RASA4: variants seen among roughly 807,000 people sequenced by gnomAD.
The protein encoded by RASA4 is RAS p21 protein activator 4.
RASA4 carries 5 observed loss-of-function variants against 24.0 expected under a neutral mutation model. The ratio of observed to expected loss-of-function variants is 0.21; its 90% CI spans 0.11 to 0.44. The LOEUF (loss-of-function observed/expected upper bound fraction) is 0.44. Ranked by LOEUF, RASA4 falls within the 20% of genes least tolerant of loss-of-function variation. The probability of loss-of-function intolerance (pLI) is 0.99; values close to 1 mark genes in which losing one functional copy is unlikely to be tolerated. For synonymous variants in RASA4, 9 were observed against 132.7 expected, an observed-to-expected ratio of 0.07 and a Z score of 6.41; for missense variants, 38 against 293.0, an observed-to-expected ratio of 0.13 and a Z score of 6.35.
At chr7:102,597,810 G>A (rs1790290545) in intron 8 of RASA4, among the ~76,000 whole-genome samples, 2 of 78,200 alleles carry the variant, frequency 2.6e-5, no homozygotes, top group Admixed American at 3.0e-4. Flanking sequence ...CGTCTCCTGG[G>A]TTCCAGCAAT....
chr7:102,616,495 AT>A, intron 1 of RASA4, 129 bp downstream of exon 1: 1 of 1,191,372 alleles, frequency 8.4e-7, no homozygotes, highest in Non-Finnish European at 1.1e-6. Context: ...TTCCCCGCCG[AT>A]CCCCCACCAC....
chr7:102,598,360 A>AATATAT (rs561434146), intron 8 of RASA4, among the ~76,000 whole-genome samples: 57 of 126,328 alleles, frequency 4.5e-4, no homozygotes, highest in Non-Finnish European at 7.3e-4. Context: ...AAAAAAAAAA[A>AATATAT]ATATATATAT....
chr7:102,603,608 C>A (rs1293340544), intron 5 of RASA4, among the ~76,000 whole-genome samples: 1 of 152,228 alleles, frequency 6.6e-6, no homozygotes, highest in African/African-American at 2.4e-5. Context: ...AACACCAAAG[C>A]CCACTCATCT....
At chr7:102,602,630 T>TG (rs1790399858) in intron 5 of RASA4, among the ~76,000 whole-genome samples, 1 of 79,606 alleles carries the variant, frequency 1.3e-5, no homozygotes, top group Non-Finnish European at 2.4e-5. Context: ...GTAGAGGCCA[T>TG]GGGTCCTTCC....
At chr7:102,596,304 T>G (rs1296770295) in intron 8 of RASA4, among the ~76,000 whole-genome samples, 175 bp from the exon 9 acceptor site, 2 of 146,516 alleles carry the variant, frequency 1.4e-5, no homozygotes, top group African/African-American at 4.9e-5. Flanking sequence ...GCTATTTATT[T>G]TCTGTTTTTG....
rs1790079421 is a variant in RASA4 at position 102,593,025 on chromosome 7, GA to G, written c.1628del (p.Ile543ThrfsTer19). ...RQGVAQLKDF[I>X]TKLVDIEEKD... ...TCTCCTCGATGTCCACGAGCTTGGT[GA>G]TGAAGTCCTTCAGCTGCGCCACGCC... On this transcript the variant is annotated frameshift_variant, in exon 15 of 21. Coordinates refer to ENST00000262940, the MANE Select transcript of RASA4 (RefSeq NM_006989.6). LOFTEE classifies it high-confidence loss of function. The G allele has an allele frequency of 1.4e-6, 1 of 728,038 alleles. No homozygotes were observed. The highest frequency in any genetic ancestry group is 1.8e-5 in the African/African-American group (1 of 55,440). 45.1% of individuals were successfully genotyped at this position (728,038 alleles called of 1,614,324 possible). A position where few individuals can be genotyped will look rare whatever the true frequency, so the allele number is the denominator to read the frequency against.
intron 8 of RASA4, among the ~76,000 whole-genome samples, chr7:102,599,659 A>T (rs1482078716): frequency 2.7e-5 from 4 of 146,038 alleles, no homozygotes; most frequent in South Asian, 2.2e-4. Flanking sequence ...AAATAAATAA[A>T]TAATAAATAA....
At chr7:102,597,719 C>A (rs539519998) in intron 8 of RASA4, among the ~76,000 whole-genome samples, 1 of 140,436 alleles carries the variant, frequency 7.1e-6, no homozygotes, top group Non-Finnish European at 1.6e-5. Context: ...CCACCGCACC[C>A]GGCTGTTTTC....
intron 8 of RASA4, among the ~76,000 whole-genome samples, chr7:102,599,529 T>G (rs1353234723): frequency 2.1e-5 from 2 of 96,138 alleles, no homozygotes; most frequent in African/African-American, 7.1e-5. Flanking sequence ...CCCAGCTACT[T>G]GGGAGGCTGA....
At chr7:102,602,972 T>G (rs1790426647) in intron 5 of RASA4, among the ~76,000 whole-genome samples, 1 of 151,094 alleles carries the variant, frequency 6.6e-6, no homozygotes, top group African/African-American at 2.4e-5. Flanking sequence ...AGCTTTTTTT[T>G]TTTTTTGAGA....
chr7:102,591,958 C>T (rs1445800265), intron 16 of RASA4, among the ~76,000 whole-genome samples: 1 of 152,238 alleles, frequency 6.6e-6, no homozygotes, highest in Non-Finnish European at 1.5e-5. Context: ...CTCAGCCTCC[C>T]GAGTAGCTGG....
At chr7:102,603,133 G>A (rs1189510713) in intron 5 of RASA4, among the ~76,000 whole-genome samples, 9 of 132,822 alleles carry the variant, frequency 6.8e-5, no homozygotes, top group Admixed American at 2.3e-4. Flanking sequence ...GCTAATTTTC[G>A]TATTTTCAGT....
chr7:102,605,976 A>T lies in RASA4; in HGVS notation c.310T>A (p.Trp104Arg), dbSNP rs1321126127. ...IASHPKGFSG[W>R]AHLTEVDPDE... ...GGGTCGACCTCCGTCAGGTGGGCCC[A>T]CCCGCTGAAACCTGTGGGGTCAGCT... The change falls in exon 5 of 21, where the codon TGG (tryptophan) becomes AGG (arginine). Residue 104 changes from tryptophan to arginine, a missense_variant. Trp to Arg is a moderately radical substitution (Grantham distance 101, BLOSUM62 -3). Coordinates refer to ENST00000262940, the MANE Select transcript of RASA4 (RefSeq NM_006989.6). The T allele has an allele frequency of 6.2e-7, 1 of 1,609,822 alleles. No homozygotes were observed. Among genetic ancestry groups the T allele is most frequent in the African/African-American group, 1.3e-5 (1 of 74,838 alleles).
intron 2 of RASA4, 120 bp downstream of exon 2, chr7:102,610,966 T>A (rs1790824545): frequency 1.0e-5 from 1 of 99,328 alleles, no homozygotes; most frequent in Admixed American, 1.1e-4. Flanking sequence ...GGGGACCAGG[T>A]GCTCCAAGCC....
intron 16 of RASA4, among the ~76,000 whole-genome samples, chr7:102,590,561 C>T (rs1397985898): frequency 2.3e-5 from 2 of 88,536 alleles, no homozygotes; most frequent in South Asian, 3.3e-4. Flanking sequence ...ATTCCCTGGG[C>T]TACAAAGTCA....
intron 2 of RASA4, among the ~76,000 whole-genome samples, chr7:102,610,509 G>A (rs1167746566): frequency 2.8e-5 from 4 of 145,450 alleles, no homozygotes; most frequent in Admixed American, 1.4e-4. Flanking sequence ...GACTCTTCAG[G>A]GTGCAGGCTG....
At chr7:102,603,269 C>CTT (rs1790448708) in intron 5 of RASA4, among the ~76,000 whole-genome samples, 1 of 122,236 alleles carries the variant, frequency 8.2e-6, no homozygotes. Flanking sequence ...CCCTTTTATT[C>CTT]TTTTCTTTTT....
chr7:102,596,058 T>TGGTAGTAGCTGGAGGGCA lies in RASA4; in HGVS notation c.791_808dup (p.Leu264_Tyr269dup). On this transcript the variant is annotated inframe_insertion, in exon 9 of 21. Coordinates refer to ENST00000262940, the MANE Select transcript of RASA4 (RefSeq NM_006989.6). Reference sequence around the variant, plus strand: ...GTGGCACAGCAGGTGCACCAGTGGCTGGTAGTAGCTGGAGGGCAGCACCGT... The same window carrying TGGTAGTAGCTGGAGGGCA: ...GTGGCACAGCAGGTGCACCAGTGGCTGGTAGTAGCTGGAGGGCAGGTAGTAGCTGGAGGGCAGCACCGT... The TGGTAGTAGCTGGAGGGCA allele has an allele frequency of 7.4e-7, 1 of 1,358,684 alleles. No individual in the cohort carries two copies. The highest frequency in any genetic ancestry group is 1.0e-6 in the Non-Finnish European group (1 of 994,546). The allele number at this position is 1,358,684 out of a possible 1,614,324, so 84.2% of individuals were successfully genotyped here.
chr7:102,606,415 A>AT (rs762582377), intron 4 of RASA4, among the ~76,000 whole-genome samples: 3,479 of 79,048 alleles, frequency 0.044, 18 homozygotes, highest in East Asian at 0.22. Context: ...AAAAAAAAAA[A>AT]AAAAAAAAGA....
Sources: allele counts gnomAD v4.1 joint callset (sites outside exome capture counted in the v4.1 genomes callset), GRCh38; gene constraint gnomAD v4.1.1; transcripts MANE v1.5; gene names NCBI Gene and HGNC (gene_info 2026-07-23, HGNC 2026-07-21).